TG: variants seen among roughly 807,000 people sequenced by gnomAD.
TG encodes thyroid hormones.
In TG, 270 loss-of-function variants were observed where a neutral mutation model predicts 324.7. The ratio of observed to expected loss-of-function variants is 0.83; its 90% confidence interval spans 0.75 to 0.92. TG has a LOEUF of 0.92. Ranked by LOEUF, TG falls within the 40% of genes least tolerant of loss-of-function variation. The pLI is 0.00. For synonymous variants in TG, 1,401 were observed against 1,327.0 expected (o/e 1.06, Z -1.21); for missense variants, 3,591 against 3,456.4 (o/e 1.04, Z -0.98).
At chr8:132,883,108 C>A in intron 8 of TG, 109 bp downstream of exon 8, 1 of 1,189,808 alleles carries the variant, frequency 8.4e-7, no homozygotes, top group Non-Finnish European at 1.2e-6. Flanking sequence ...TCTAGTGTGC[C>A]CCTCTGGCCC....
intron 43 of TG, chr8:133,102,785 C>T (rs1479703869): frequency 1.9e-6 from 1 of 526,614 alleles, no homozygotes; most frequent in African/African-American, 1.9e-5. Flanking sequence ...GCCTTCCCTT[C>T]CAAGCACAGG....
intron 17 of TG, 81 bp downstream of exon 17, chr8:132,906,981 G>T: frequency 7.0e-7 from 1 of 1,433,274 alleles, no homozygotes; most frequent in South Asian, 1.2e-5. Context: ...AGGCGTGGCT[G>T]CTCCATTTCC....
At chr8:133,002,866 GT>G (rs1181130546) in intron 35 of TG, 5 of 286,304 alleles carry the variant, frequency 1.7e-5, no homozygotes, top group Non-Finnish European at 2.8e-5. Flanking sequence ...AATGCCAGCA[GT>G]ACACTGGGGA....
At chr8:132,941,650 C>A in intron 26 of TG, 108 bp downstream of exon 26, 1 of 1,283,092 alleles carries the variant, frequency 7.8e-7, no homozygotes, top group Non-Finnish European at 1.1e-6. Flanking sequence ...AGTGTGAGTG[C>A]CTACACCCAA....
intron 40 of TG, among the ~76,000 whole-genome samples, chr8:133,024,381 T>A (rs1427570320): frequency 1.9e-5 from 2 of 103,138 alleles, no homozygotes; most frequent in African/African-American, 8.9e-5. Flanking sequence ...TTTCTTTCTT[T>A]CTTTCTTTCT....
At chr8:132,921,477 A>G (rs892607833) in intron 21 of TG, among the ~76,000 whole-genome samples, 6 of 152,200 alleles carry the variant, frequency 3.9e-5, no homozygotes, top group Admixed American at 2.0e-4. Flanking sequence ...CTTCTCTATG[A>G]CTCATTAACC....
chr8:132,883,160 C>T, intron 8 of TG, 161 bp downstream of exon 8: 1 of 715,146 alleles, frequency 1.4e-6, no homozygotes, highest in East Asian at 2.7e-5. Context: ...TCATCATTAA[C>T]TTCCAACATG....
chr8:133,101,505 C>T (rs1849246855), intron 43 of TG, among the ~76,000 whole-genome samples: 1 of 152,182 alleles, frequency 6.6e-6, no homozygotes, highest in African/African-American at 2.4e-5. Context: ...CCTTTTACTC[C>T]ATCCTCTGTC....
At chr8:132,929,524 C>T (rs895363720) in intron 23 of TG, among the ~76,000 whole-genome samples, 1 of 152,096 alleles carries the variant, frequency 6.6e-6, no homozygotes, top group East Asian at 1.9e-4. Flanking sequence ...TAAAGGCTGC[C>T]ATTTATTGAG....
intron 28 of TG, among the ~76,000 whole-genome samples, chr8:132,962,157 AAAG>A (rs1180415708): frequency 6.6e-6 from 1 of 152,180 alleles, no homozygotes; most frequent in Admixed American, 6.5e-5. Context: ...GAAGAGGAGA[AAAG>A]GAGGGGGAGG....
chr8:132,922,875 A>G (rs1821307549), intron 21 of TG, among the ~76,000 whole-genome samples: 1 of 152,186 alleles, frequency 6.6e-6, no homozygotes, highest in South Asian at 2.1e-4. Flanking sequence ...ATACCGTCAC[A>G]CTGGGCACTG....
intron 41 of TG, among the ~76,000 whole-genome samples, chr8:133,093,312 T>C (rs951636690): frequency 6.6e-6 from 1 of 152,162 alleles, no homozygotes; most frequent in African/African-American, 2.4e-5. Flanking sequence ...TAGTTTACTT[T>C]TATTGCTGCT....
At chr8:132,910,968 T>G (rs968189797) in intron 18 of TG, among the ~76,000 whole-genome samples, 1 of 152,148 alleles carries the variant, frequency 6.6e-6, no homozygotes, top group Admixed American at 6.5e-5. Context: ...TCAGCCACAC[T>G]TAGGCTGGGA....
In TG at chr8:132,906,373, G is replaced by A. The variant is rs575670545; in HGVS notation, c.3635-315G>A. 3.9e-5 allele frequency among the ~76,000 whole-genome samples: 6 copies of A among 152,230 alleles called. No individual in the cohort carries two copies. The South Asian group carries it at 1.2e-3, about 32-fold the overall frequency. On this transcript the variant is annotated intron_variant, in intron 16 of 47. Coordinates refer to ENST00000220616, the MANE Select transcript of TG (RefSeq NM_003235.5). ...AGGCCTGGATGGTGGGCTTTGAGGT[G>A]AAGAGACCAGGTGGTAACTAATTGG...
chr8:132,919,009 A>G (rs572735459), intron 20 of TG, among the ~76,000 whole-genome samples: 2 of 152,308 alleles, frequency 1.3e-5, no homozygotes, highest in East Asian at 3.9e-4. Context: ...TTTAGCTTTC[A>G]CCTTTTACTT....
chr8:132,957,028 T>G (rs1412860392), intron 27 of TG, among the ~76,000 whole-genome samples: 2 of 152,052 alleles, frequency 1.3e-5, no homozygotes, highest in Admixed American at 1.3e-4. Context: ...GGGATGGGAA[T>G]GAGAGATGAG....
intron 41 of TG, among the ~76,000 whole-genome samples, chr8:133,075,339 T>C (rs1844698235): frequency 6.6e-6 from 1 of 152,120 alleles, no homozygotes; most frequent in African/African-American, 2.4e-5. Flanking sequence ...CTGATTTCGG[T>C]TTCCCAATTT....
chr8:132,900,185 C>A, intron 14 of TG, 52 bp from the exon 15 acceptor site: 2 of 1,528,114 alleles, frequency 1.3e-6, no homozygotes, highest in Non-Finnish European at 1.8e-6. Context: ...AGCAGGTTGG[C>A]CACTAGAGCA....
Position 133,131,773 on chromosome 8 carries a change from T to C in TG, c.7863-39T>C, listed in dbSNP as rs377122380. 8.1e-6 allele frequency: 13 copies of C among 1,613,612 alleles called. No homozygotes were observed. The South Asian group carries it at 1.3e-4, about 16-fold the overall frequency. On this transcript the variant is annotated intron_variant, in intron 45 of 47. Transcript: ENST00000220616. ...TTGTGTTTTTGAGTAGTTTACTTTC[T>C]CTTGACCTTTTGCTGCTGCTTTTCC...
Sources: gnomAD v4.1 joint callset for allele counts (sites outside exome capture counted in the v4.1 genomes callset) on GRCh38, gnomAD v4.1.1 for gene constraint, MANE v1.5 for transcripts, NCBI Gene and HGNC (gene_info 2026-07-23, HGNC 2026-07-21) for gene names.